The following MCF2L variants were observed in gnomAD, a reference collection of about 807,000 sequenced individuals.
MCF2L encodes MCF.2 cell line derived transforming sequence like, also known as guanine nucleotide exchange factor DBS.
MCF2L carries 97 observed loss-of-function variants against 153.4 expected under a neutral mutation model. The ratio of observed to expected loss-of-function variants is 0.63; its 90% confidence interval spans 0.54 to 0.75. The LOEUF is 0.75. Among genes scored for constraint, MCF2L ranks in the 30% least tolerant of loss-of-function variants. The pLI is 0.00. For missense variants in MCF2L, 1,347 were observed against 1,495.2 expected (o/e 0.90, Z 1.64); for synonymous variants, 659 against 632.2 (o/e 1.04, Z -0.64).
intron 2 of MCF2L, among the ~76,000 whole-genome samples, chr13:112,949,513 A>C (rs1488131212): frequency 6.6e-6 from 1 of 152,216 alleles, no homozygotes; most frequent in Non-Finnish European, 1.5e-5. Context: ...GCAATAGATA[A>C]AGAGAATTAT....
intron 5 of MCF2L, among the ~76,000 whole-genome samples, chr13:113,061,599 G>A (rs1302553239): frequency 2.7e-5 from 4 of 148,908 alleles, no homozygotes; most frequent in Non-Finnish European, 4.5e-5. Flanking sequence ...CCCTCGTTGC[G>A]CTACAGCCTC....
chr13:112,938,368 T>A lies in MCF2L; in HGVS notation c.169+35997T>A, dbSNP rs1301855794. Reference sequence around the variant, plus strand: ...CAGGTGAGCCCTGAAAGTCCAGAAGTTGACTGGAGGTGCGAGTTCTGGGGG... The same window carrying A: ...CAGGTGAGCCCTGAAAGTCCAGAAGATGACTGGAGGTGCGAGTTCTGGGGG... On this transcript the variant is annotated intron_variant, in intron 2 of 29. Coordinates refer to the MCF2L transcript ENST00000375608. Among the ~76,000 whole-genome samples, 3 of 151,784 alleles carry A rather than the reference T, an allele frequency of 2.0e-5. No individual in the cohort carries two copies. In the East Asian group the frequency reaches 5.8e-4, roughly 29 times the overall value.
chr13:112,902,143 T>A (rs2081125303), intron 1 of MCF2L: 1 of 1,455,352 alleles, frequency 6.9e-7, no homozygotes, highest in Non-Finnish European at 9.5e-7. Context: ...GAGCAACAGT[T>A]CTTAAGTCTT....
intron 1 of MCF2L, among the ~76,000 whole-genome samples, chr13:112,898,969 G>A (rs1432273785): frequency 6.6e-6 from 1 of 152,062 alleles, no homozygotes; most frequent in Admixed American, 6.5e-5. Flanking sequence ...GGGAGCACCG[G>A]GCAGGGCCCC....
At chr13:113,094,265 G>A (rs531784523) in intron 26 of MCF2L, 19 of 272,170 alleles carry the variant, frequency 7.0e-5, no homozygotes, top group African/African-American at 4.0e-4. Flanking sequence ...CCTGGGGATC[G>A]AGGTCTCCCA....
chr13:113,058,073 GGTGCTGTT>G (rs2030550593), intron 4 of MCF2L, among the ~76,000 whole-genome samples: 1 of 147,202 alleles, frequency 6.8e-6, no homozygotes, highest in African/African-American at 2.5e-5. Flanking sequence ...TGAGTGTTTC[GGTGCTGTT>G]TGGGTGCTGA....
chr13:113,010,825 C>G (rs894329682), intron 1 of MCF2L, among the ~76,000 whole-genome samples: 2 of 152,346 alleles, frequency 1.3e-5, no homozygotes, highest in South Asian at 4.1e-4. Flanking sequence ...AGGGGCCCAC[C>G]ACCTCCCAGA....
In MCF2L at chr13:113,027,025, G is replaced by C. The variant is rs1479920278; in HGVS notation, c.278+2267G>C. ...CAGTGTAGTTGCTGCTTCCATTTGG[G>C]GTATAGTGAACACACACCAAGTAAA... On this transcript the variant is annotated intron_variant, in intron 3 of 29. Coordinates refer to ENST00000535094, the MANE Select transcript of MCF2L (RefSeq NM_001112732.3). This position sits in a 1 kb window ranked among gnomAD's most constrained non-coding sequence, Gnocchi z 4.8. 3.9e-6 allele frequency: 3 copies of C among 778,060 alleles called. No individual in the cohort carries two copies. In the East Asian group the frequency reaches 7.3e-5, roughly 19 times the overall value. The allele number at this position is 778,060 out of a possible 1,614,324, so 48.2% of individuals were successfully genotyped here.
intron 1 of MCF2L, among the ~76,000 whole-genome samples, chr13:112,994,789 A>T (rs1284968394): frequency 6.6e-6 from 1 of 152,138 alleles, no homozygotes; most frequent in African/African-American, 2.4e-5. Flanking sequence ...CCATCTACAC[A>T]GGTCGGGTAG....
intron 13 of MCF2L, 76 bp from the exon 14 acceptor site, chr13:113,078,286 CT>C: frequency 8.1e-7 from 1 of 1,233,790 alleles, no homozygotes; most frequent in Non-Finnish European, 1.2e-6. Flanking sequence ...TCCTCGGGGC[CT>C]TTTCCCGCTG....
rs186247935 is a variant in MCF2L at position 113,086,177 on chromosome 13, G to T, written c.2301G>T (p.Ala767=). The T allele has an allele frequency of 1.4e-5, 22 of 1,610,456 alleles. No individual in the cohort carries two copies. Among genetic ancestry groups the T allele is most frequent in the Non-Finnish European group, 1.9e-5 (22 of 1,178,592 alleles). ...NCEGAEDLQE[A]LSSILGILKA... ...AGGGGGCTGAGGACCTGCAGGAGGC[G>T]CTGAGCTCCATCCTGGGCATCCTGA... Residue 767 remains alanine, a synonymous_variant, in exon 21 of 30, where the codon GCG becomes GCT. Transcript: ENST00000535094.
intron 1 of MCF2L, among the ~76,000 whole-genome samples, chr13:113,006,816 T>C (rs1252829963): frequency 2.6e-5 from 4 of 152,212 alleles, no homozygotes; most frequent in African/African-American, 9.6e-5. Flanking sequence ...AGGCTCGGCC[T>C]GGAGCCTCAC....
intron 1 of MCF2L, among the ~76,000 whole-genome samples, chr13:112,972,469 TGTGG>T (rs1302440683): frequency 8.0e-6 from 1 of 124,340 alleles, no homozygotes; most frequent in South Asian, 2.9e-4. Flanking sequence ...TGAGTGGGTG[TGTGG>T]GTGGATGGAT....
chr13:113,065,368 G>A (rs760564479), intron 7 of MCF2L: 4 of 457,154 alleles, frequency 8.7e-6, no homozygotes, highest in East Asian at 4.1e-5. Flanking sequence ...CTGGGTGGCC[G>A]TGGCTTCAGG....
In MCF2L at chr13:112,918,006, G is replaced by A. The variant is rs774531030; in HGVS notation, c.169+15635G>A. ...TCTGTTTGAAGTCCCCTGGGACTTTGTATCTTTCCAGATAACTTGCCACTT... is the reference window on the plus strand; with the variant it reads ...TCTGTTTGAAGTCCCCTGGGACTTTATATCTTTCCAGATAACTTGCCACTT... On this transcript the variant is annotated intron_variant, in intron 2 of 29. Transcript: ENST00000375608. Among the ~76,000 whole-genome samples, 3 of 152,172 alleles carry A rather than the reference G, an allele frequency of 2.0e-5. No individual in the cohort carries two copies. The East Asian group carries it at 5.8e-4, about 29-fold the overall frequency.
chr13:113,098,406 G>T lies in MCF2L; in HGVS notation c.*1547G>T, dbSNP rs2142172505. ...TCTCGTCGCACAGCTGCGCGCCCTT[G>T]TGTGACCCTCCCCATAAAGGCACTT... On this transcript the variant is annotated 3_prime_UTR_variant, in exon 30 of 30. Coordinates refer to ENST00000535094, the MANE Select transcript of MCF2L (RefSeq NM_001112732.3). 6.6e-6 allele frequency: 1 copy of T among 152,610 alleles called. No homozygotes were observed. The highest frequency in any genetic ancestry group is 1.9e-4 in the East Asian group (1 of 5,188). The allele number at this position is 152,610 out of a possible 1,614,324, so 9.5% of individuals were successfully genotyped here.
chr13:113,096,866 C>T lies in MCF2L; in HGVS notation c.*7C>T, dbSNP rs1399848596. On this transcript the variant is annotated 3_prime_UTR_variant, in exon 30 of 30. Coordinates refer to ENST00000535094, the MANE Select transcript of MCF2L (RefSeq NM_001112732.3). ...CTCCGACCTGCAGGGGTAGCGCGGCCTCGGCGCCGGAGACCCGCGCGCTGT... is the reference window on the plus strand; with the variant it reads ...CTCCGACCTGCAGGGGTAGCGCGGCTTCGGCGCCGGAGACCCGCGCGCTGT... The T allele has an allele frequency of 1.4e-6, 2 of 1,419,996 alleles. No homozygotes were observed. Among genetic ancestry groups the T allele is most frequent in the African/African-American group, 3.0e-5 (2 of 66,628 alleles). 88.0% of individuals were successfully genotyped at this position (1,419,996 alleles called of 1,614,324 possible).
chr13:112,901,234 A>G (rs1401506739), intron 1 of MCF2L, among the ~76,000 whole-genome samples: 2 of 151,944 alleles, frequency 1.3e-5, no homozygotes, highest in South Asian at 2.1e-4. Context: ...GCTCACTGCA[A>G]CCTCCGCCTC....
intron 26 of MCF2L, chr13:113,090,141 TA>T: frequency 6.5e-7 from 1 of 1,542,022 alleles, no homozygotes; most frequent in Non-Finnish European, 8.8e-7. Context: ...AGGGTTTTGC[TA>T]ACCTCAAAGG....
Sources: allele counts gnomAD v4.1 joint callset (sites outside exome capture counted in the v4.1 genomes callset), GRCh38; gene constraint gnomAD v4.1.1; non-coding constraint Gnocchi (gnomAD v3.1); transcripts MANE v1.5; gene names NCBI Gene and HGNC (gene_info 2026-07-23, HGNC 2026-07-21).